Variants in PFKFB2 observed in about 807,000 individuals in gnomAD.
The protein encoded by PFKFB2 is 6-phosphofructo-2-kinase/fructose-2,6-biphosphatase 2, also known as 6-phosphofructo-2-kinase/fructose-2,6-bisphosphatase 2.
Under a neutral mutation model 68.0 loss-of-function variants are expected in PFKFB2, and 53 were observed. The ratio of observed to expected loss-of-function variants is 0.78; its 90% CI spans 0.63 to 0.98. The LOEUF is 0.98. PFKFB2 is among the 50% of genes least tolerant of loss of function. The pLI, the probability that PFKFB2 is intolerant of heterozygous loss-of-function variation, is 0.00. For missense variants in PFKFB2, 451 were observed against 642.0 expected (o/e 0.70, Z 3.22); for synonymous variants, 222 against 227.6 (o/e 0.98, Z 0.22).
At position 207,063,463 on chromosome 1, in the gene PFKFB2, G is replaced by T; in HGVS notation, c.450+42G>T. 7.2e-7 allele frequency: 1 copy of T among 1,391,416 alleles called. No individual in the cohort carries two copies. Among genetic ancestry groups the T allele is most frequent in the South Asian group, 1.2e-5 (1 of 85,002 alleles). 86.2% of individuals were successfully genotyped at this position (1,391,416 alleles called of 1,614,324 possible). On this transcript the variant is annotated intron_variant, in intron 6 of 14. Transcript: ENST00000367080. The surrounding 1 kb of genome is among the most constrained non-coding windows in gnomAD (Gnocchi z 4.1). ...TGTTGGAGGAAAAGGGATGAGTAGA[G>T]GTGGGGAGTCAGGCTACAGGCATGG...
chr1:207,050,967 C>T (rs1039331999), upstream of PFKFB2: 4 of 1,550,162 alleles, frequency 2.6e-6, no homozygotes, highest in Non-Finnish European at 3.5e-6. Context: ...TGTTGGGAGA[C>T]GCCGCCGGGG....
At chr1:207,069,183 A>G (rs555258430) in intron 10 of PFKFB2, among the ~76,000 whole-genome samples, 13 of 152,058 alleles carry the variant, frequency 8.5e-5, no homozygotes, top group Admixed American at 1.3e-4. Context: ...CCCCAGTAGT[A>G]GGAGAATGTG....
chr1:207,035,132 CTG>C, intron 1 of PFKFB2: 1 of 984,710 alleles, frequency 1.0e-6, no homozygotes, highest in Non-Finnish European at 1.2e-6. Flanking sequence ...TGACCAGACT[CTG>C]TGGAAACTAA....
chr1:207,036,873 A>G (rs993569500), intron 1 of PFKFB2, among the ~76,000 whole-genome samples: 1 of 152,224 alleles, frequency 6.6e-6, no homozygotes, highest in African/African-American at 2.4e-5. Context: ...GTTACCACAC[A>G]TCCAACTGCT....
chr1:207,035,032 G>T, intron 1 of PFKFB2: 3 of 464,688 alleles, frequency 6.5e-6, no homozygotes, highest in Non-Finnish European at 5.7e-6. Context: ...TCAGTCAAAA[G>T]CCTGAAAGAA....
intron 7 of PFKFB2, 141 bp from the exon 8 acceptor site, chr1:207,064,895 A>C: frequency 1.1e-6 from 1 of 899,710 alleles, no homozygotes; most frequent in Non-Finnish European, 1.6e-6. Flanking sequence ...GGCGGGGGGT[A>C]CTCAATGAGT....
upstream of PFKFB2, chr1:207,050,951 G>A (rs1430227985): frequency 3.8e-6 from 6 of 1,570,236 alleles, no homozygotes; most frequent in Admixed American, 1.9e-5. Flanking sequence ...TTTGGTCCCG[G>A]CAGCCTGTTG....
rs760662017 is a variant in PFKFB2, at chr1:207,070,412, G to A, written c.1222+3G>A. ...CTACTTCTTGGATAAGGGCGCAGGT[G>A]CCTTTGAGGGAGGGGCTGGGAGACA... On this transcript the variant is annotated splice_donor_region_variant and intron_variant, in intron 12 of 14. Transcript: ENST00000367080. This position sits in a 1 kb window ranked among gnomAD's most constrained non-coding sequence, Gnocchi z 4.2. 8 of 1,613,452 alleles carry A rather than the reference G, an allele frequency of 5.0e-6. No homozygotes were observed. Among genetic ancestry groups the A allele is most frequent in the Non-Finnish European group, 6.8e-6 (8 of 1,179,728 alleles).
At chr1:207,066,897 C>T (rs1406045841) in intron 8 of PFKFB2, among the ~76,000 whole-genome samples, 1 of 152,114 alleles carries the variant, frequency 6.6e-6, no homozygotes, top group Non-Finnish European at 1.5e-5. Context: ...CCTGATCTAC[C>T]CACCTTGGCC....
At position 207,063,357 on chromosome 1, in the gene PFKFB2, C is replaced by T; in HGVS notation, c.386C>T (p.Ala129Val). 2 of 1,612,844 alleles carry T rather than the reference C, an allele frequency of 1.2e-6. No individual in the cohort carries two copies. The highest frequency in any genetic ancestry group is 1.7e-6 in the Non-Finnish European group (2 of 1,178,842). The stretch of plus-strand genomic sequence containing the variant: ...GTACTTTCTTCACAGGTGTTTGATG[C>T]CACCAATACAACCCGGGAGAGGAGG... ...EENGQIAVFD[A>V]TNTTRERRDM... The change falls in exon 6 of 15, where the codon GCC (alanine) becomes GTC (valine). Residue 129 changes from alanine to valine, a missense_variant. Physicochemically the swap from Ala to Val is moderately conservative, Grantham distance 64. Transcript: ENST00000367080. This position sits in a 1 kb window ranked among gnomAD's most constrained non-coding sequence, Gnocchi z 4.1.
intron 1 of PFKFB2, among the ~76,000 whole-genome samples, chr1:207,053,698 C>T (rs535832017): frequency 1.3e-5 from 2 of 152,180 alleles, no homozygotes; most frequent in South Asian, 2.1e-4. Flanking sequence ...TCATTTACCA[C>T]CTCAGCGCTC....
intron 2 of PFKFB2, chr1:207,061,000 A>G (rs987064628): frequency 3.5e-5 from 5 of 142,152 alleles, no homozygotes; most frequent in African/African-American, 1.3e-4. Flanking sequence ...ATATATCTAT[A>G]TCTTAAATAT....
intron 14 of PFKFB2, 77 bp from the exon 15 acceptor site, chr1:207,072,127 C>G (rs1349543165): frequency 1.9e-6 from 3 of 1,560,330 alleles, no homozygotes; most frequent in Non-Finnish European, 2.6e-6. Context: ...GTTGTGGTTA[C>G]AAGCGCATTA....
rs972400403 is a variant in PFKFB2 at position 207,074,551 on chromosome 1, A to G, written c.*2180A>G. On this transcript the variant is annotated 3_prime_UTR_variant, in exon 15 of 15. Transcript: ENST00000367080. ...CCGGGTCCTTTACTCGTATGTCCCA[A>G]GTAGGATACCATAGGCAGCTTCTAA... The G allele has an allele frequency of 7.1e-6, 7 of 985,310 alleles. No homozygotes were observed. Among genetic ancestry groups the G allele is most frequent in the Non-Finnish European group, 7.2e-6 (6 of 829,952 alleles). The allele number at this position is 985,310 out of a possible 1,614,324, so 61.0% of individuals were successfully genotyped here. A position where few individuals can be genotyped will look rare whatever the true frequency, so the allele number is the denominator to read the frequency against.
chr1:207,049,084 G>A (rs1682667149), upstream of PFKFB2: 2 of 1,613,920 alleles, frequency 1.2e-6, no homozygotes, highest in South Asian at 1.1e-5. Context: ...TGCTTGTCCA[G>A]TTAATCCTTT....
At position 207,077,096 on chromosome 1, in the gene PFKFB2, A is replaced by ATGCC. The variant is rs1207686657; in HGVS notation, c.*4728_*4731dup. On this transcript the variant is annotated 3_prime_UTR_variant, in exon 15 of 15. Transcript: ENST00000367080. The stretch of plus-strand genomic sequence containing the variant: ...GTATTTTGTGAACTCAGCTAAGGGA[A>ATGCC]TGCCTGTTCAGAGCCTGGAGTTGTT... 6.6e-5 allele frequency: 65 copies of ATGCC among 984,972 alleles called. No homozygotes were observed. Among genetic ancestry groups the ATGCC allele is most frequent in the Non-Finnish European group, 7.2e-5 (60 of 829,638 alleles). The allele number at this position is 984,972 out of a possible 1,614,324, so 61.0% of individuals were successfully genotyped here.
At chr1:207,056,697 C>T (rs1159810709) in intron 2 of PFKFB2, among the ~76,000 whole-genome samples, 3 of 151,942 alleles carry the variant, frequency 2.0e-5, no homozygotes, top group Admixed American at 1.3e-4. Context: ...CTCTAAATGC[C>T]TTTTTCTTCT....
At chr1:207,069,185 G>A (rs368383952) in intron 10 of PFKFB2, among the ~76,000 whole-genome samples, 85 of 152,206 alleles carry the variant, frequency 5.6e-4, no homozygotes, top group African/African-American at 1.9e-3. Context: ...CCAGTAGTAG[G>A]AGAATGTGGT....
At chr1:207,067,117 A>G (rs965717551) in intron 8 of PFKFB2, among the ~76,000 whole-genome samples, 4 of 152,160 alleles carry the variant, frequency 2.6e-5, no homozygotes, top group East Asian at 3.8e-4. Flanking sequence ...TCGTCGTGCC[A>G]TATTCTGGCC....
Sources: allele counts gnomAD v4.1 joint callset (sites outside exome capture counted in the v4.1 genomes callset), GRCh38; gene constraint gnomAD v4.1.1; non-coding constraint Gnocchi (gnomAD v3.1); transcripts MANE v1.5; gene names NCBI Gene and HGNC (gene_info 2026-07-23, HGNC 2026-07-21).